SPATS2: variants seen among roughly 807,000 people sequenced by gnomAD.
SPATS2 encodes spermatogenesis associated serine rich 2, also known as spermatogenesis-associated serine-rich protein 2.
Under a neutral mutation model 63.7 loss-of-function variants are expected in SPATS2, and 38 were observed. That is an observed-to-expected ratio of 0.60 (90% CI 0.46 to 0.78). The LOEUF (loss-of-function observed/expected upper bound fraction) is 0.78. SPATS2 is among the 30% of genes least tolerant of loss of function. The probability of loss-of-function intolerance (pLI) is 0.00; values close to 1 mark genes in which losing one functional copy is unlikely to be tolerated. For synonymous variants in SPATS2, 207 were observed against 232.9 expected, an observed-to-expected ratio of 0.89 and a Z score of 1.01; for missense variants, 588 against 666.2, an observed-to-expected ratio of 0.88 and a Z score of 1.29.
rs1216414745 is a variant in SPATS2 at position 49,527,409 on chromosome 12, C to G, written c.*1154C>G. 6.6e-6 allele frequency: 1 copy of G among 152,106 alleles called. No individual in the cohort carries two copies. Among genetic ancestry groups the G allele is most frequent in the Non-Finnish European group, 1.5e-5 (1 of 68,022 alleles). The allele number at this position is 152,106 out of a possible 1,614,324, so 9.4% of individuals were successfully genotyped here. ...TTTACAGTTGAATAAATAAAAACAA[C>G]TGCATAAATATGCCCACTTTTGTTT... On this transcript the variant is annotated 3_prime_UTR_variant, in exon 14 of 14. Coordinates refer to ENST00000552918, the MANE Select transcript of SPATS2 (RefSeq NM_023071.4).
intron 2 of SPATS2, among the ~76,000 whole-genome samples, chr12:49,404,492 T>C (rs1408621894): frequency 6.6e-6 from 1 of 152,126 alleles, no homozygotes; most frequent in Non-Finnish European, 1.5e-5. Flanking sequence ...TTGCCAAAGC[T>C]GATCTCCAGC....
chr12:49,494,674 C>T, intron 6 of SPATS2, 67 bp from the exon 7 acceptor site: 1 of 1,405,004 alleles, frequency 7.1e-7, no homozygotes, highest in Non-Finnish European at 9.4e-7. Flanking sequence ...GCTAGAGTTA[C>T]CTCTCTAGGT....
At chr12:49,482,039 C>T (rs1474035851) in intron 3 of SPATS2, among the ~76,000 whole-genome samples, 1 of 152,128 alleles carries the variant, frequency 6.6e-6, no homozygotes, top group Admixed American at 6.6e-5. Context: ...CTGTATAATA[C>T]TAAGAGACAT....
intron 10 of SPATS2, among the ~76,000 whole-genome samples, chr12:49,516,159 AAAAAAAAATATATATATATAT>A (rs1946839990): frequency 6.4e-5 from 2 of 31,452 alleles, no homozygotes; most frequent in African/African-American, 3.9e-4. Context: ...AAAAAAAAAA[AAAAAAAAATATATATATATAT>A]ATATATATAT....
At chr12:49,497,471 TGCA>T (rs1946483556) in intron 8 of SPATS2, among the ~76,000 whole-genome samples, 1 of 151,460 alleles carries the variant, frequency 6.6e-6, no homozygotes, top group Non-Finnish European at 1.5e-5. Context: ...CTTGGCTCAC[TGCA>T]AGCTCCGCCT....
At chr12:49,472,073 G>A (rs1178283583) in intron 3 of SPATS2, among the ~76,000 whole-genome samples, 1 of 152,102 alleles carries the variant, frequency 6.6e-6, no homozygotes, top group Non-Finnish European at 1.5e-5. Context: ...AGGAGGTTGA[G>A]TCTATAGTGA....
Position 49,372,940 on chromosome 12 carries a change from T to TTGTGTG in SPATS2, c.-244+1697_-244+1702dup, listed in dbSNP as rs56940721. On this transcript the variant is annotated intron_variant, in intron 2 of 13. Coordinates refer to ENST00000552918, the MANE Select transcript of SPATS2 (RefSeq NM_023071.4). The stretch of plus-strand genomic sequence containing the variant: ...CTAGCCTCTCATTTGATTTTCTGTT[T>TTGTGTG]TGTGTGTGTGTGTGTGTGTGTGTGT... Among the ~76,000 whole-genome samples the TTGTGTG allele has an allele frequency of 7.1e-3, 924 of 130,106 alleles. 6 individuals are homozygous for TTGTGTG. The highest frequency in any genetic ancestry group is 0.015 in the Middle Eastern group (4 of 260). 85.4% of individuals were successfully genotyped at this position (130,106 alleles called of 152,430 possible). A position where few individuals can be genotyped will look rare whatever the true frequency, so the allele number is the denominator to read the frequency against.
chr12:49,494,700 T>G (rs376387143), intron 6 of SPATS2, 41 bp from the exon 7 acceptor site: 6 of 1,469,198 alleles, frequency 4.1e-6, no homozygotes, highest in East Asian at 5.0e-5. Context: ...GGGAATCTTT[T>G]CTTTCTTTTC....
chr12:49,460,738 T>C (rs993866784), intron 2 of SPATS2, 32 bp from the exon 3 acceptor site: 46 of 442,524 alleles, frequency 1.0e-4, no homozygotes, highest in African/African-American at 2.0e-5. Context: ...ATTACTGTAA[T>C]AGTATATGTG....
At chr12:49,451,481 A>G (rs1394969364) in intron 2 of SPATS2, among the ~76,000 whole-genome samples, 1 of 152,176 alleles carries the variant, frequency 6.6e-6, no homozygotes, top group Non-Finnish European at 1.5e-5. Context: ...ATTGTTATTA[A>G]TCTTGTATTA....
chr12:49,474,988 A>T (rs145732815), intron 3 of SPATS2, among the ~76,000 whole-genome samples: 194 of 152,292 alleles, frequency 1.3e-3, no homozygotes, highest in African/African-American at 4.4e-3. Flanking sequence ...ATCAGATCTC[A>T]TAAGACCTAT....
chr12:49,397,353 C>T (rs1944528879), intron 2 of SPATS2, among the ~76,000 whole-genome samples: 1 of 152,052 alleles, frequency 6.6e-6, no homozygotes, highest in South Asian at 2.1e-4. Flanking sequence ...TATTTCCTGT[C>T]CTGAGAAGAG....
Sources: gnomAD v4.1 joint callset for allele counts (sites outside exome capture counted in the v4.1 genomes callset) on GRCh38, gnomAD v4.1.1 for gene constraint, MANE v1.5 for transcripts, NCBI Gene and HGNC (gene_info 2026-07-23, HGNC 2026-07-21) for gene names.